PXT1: variants seen among roughly 807,000 people sequenced by gnomAD.
PXT1 encodes the protein peroxisomal testis enriched protein 1, also known as peroxisomal testis-specific protein 1.
A neutral mutation model predicts 11.0 loss-of-function variants in PXT1; 11 were observed. That is an observed-to-expected ratio of 1.00 (90% CI 0.63 to 1.66). The LOEUF (loss-of-function observed/expected upper bound fraction) is 1.66, where lower values mean the gene tolerates loss of function less well. Ranked by LOEUF, PXT1 falls within the 40% of genes most tolerant of loss-of-function variation. The pLI, the probability that PXT1 is intolerant of heterozygous loss-of-function variation, is 0.00. For synonymous variants in PXT1, 43 were observed against 51.4 expected (o/e 0.84, Z 0.70); for missense variants, 141 against 155.5 (o/e 0.91, Z 0.49).
chr6:36,392,037 TA>T (rs1774076527), intron 4 of PXT1, 163 bp from the exon 5 acceptor site: 3 of 584,672 alleles, frequency 5.1e-6, no homozygotes, highest in African/African-American at 1.9e-5. Context: ...TGAAGGACAG[TA>T]CCTTCCATAT....
At chr6:36,393,063 C>T (rs1774092473) in intron 4 of PXT1, 1 of 152,400 alleles carries the variant, frequency 6.6e-6, no homozygotes, top group Non-Finnish European at 1.5e-5. Flanking sequence ...CCTCCACCTC[C>T]CAGGTTCAAG....
chr6:36,394,138 C>T (rs963290298), intron 4 of PXT1, among the ~76,000 whole-genome samples: 6 of 152,200 alleles, frequency 3.9e-5, no homozygotes, highest in African/African-American at 1.4e-4. Context: ...GAATGAGTTT[C>T]CTTTCAGCAT....
intron 4 of PXT1, 118 bp from the exon 5 acceptor site, chr6:36,391,992 C>G (rs1255749330): frequency 2.6e-5 from 18 of 688,298 alleles, no homozygotes; most frequent in Non-Finnish European, 4.2e-5. Flanking sequence ...ATGCTGCAAA[C>G]AAGCTTCTTG....
At chr6:36,442,189 C>G (rs1013539913) in intron 1 of PXT1, among the ~76,000 whole-genome samples, 3 of 152,096 alleles carry the variant, frequency 2.0e-5, no homozygotes, top group Non-Finnish European at 4.4e-5. Flanking sequence ...CCACCACGCC[C>G]GGCTAATTTT....
At chr6:36,439,203 G>A (rs1483495630) in intron 1 of PXT1, among the ~76,000 whole-genome samples, 1 of 150,454 alleles carries the variant, frequency 6.6e-6, no homozygotes, top group Admixed American at 6.6e-5. Context: ...TCACCATGTT[G>A]GACAGGCTGG....
chr6:36,423,523 T>C (rs907064388), intron 3 of PXT1, among the ~76,000 whole-genome samples: 2 of 152,220 alleles, frequency 1.3e-5, no homozygotes, highest in African/African-American at 4.8e-5. Flanking sequence ...CGCCTCGGGC[T>C]CCTGGCGGGA....
At chr6:36,430,335 T>C (rs1774675495) in intron 2 of PXT1, among the ~76,000 whole-genome samples, 1 of 152,218 alleles carries the variant, frequency 6.6e-6, no homozygotes, top group Non-Finnish European at 1.5e-5. Flanking sequence ...CACATCCTAA[T>C]TCCCAGAACC....
chr6:36,415,063 C>T (rs1026291400), intron 3 of PXT1, among the ~76,000 whole-genome samples: 8 of 152,228 alleles, frequency 5.3e-5, no homozygotes, highest in South Asian at 2.1e-4. Flanking sequence ...ATAATAATTT[C>T]GAAATAATTT....
Position 36,390,697 on chromosome 6 carries a change from G to A in PXT1, c.*1073C>T, listed in dbSNP as rs1392368386. 6.6e-6 allele frequency: 1 copy of A among 152,122 alleles called. No individual in the cohort carries two copies. Among genetic ancestry groups the A allele is most frequent in the Non-Finnish European group, 1.5e-5 (1 of 68,046 alleles). 9.4% of individuals were successfully genotyped at this position (152,122 alleles called of 1,614,324 possible). A position where few individuals can be genotyped will look rare whatever the true frequency, so the allele number is the denominator to read the frequency against. ...AATATTTATAATTCTTTTAAAGGAG[G>A]GGAGAGAGGGACTATGAGGTAGACA... On this transcript the variant is annotated 3_prime_UTR_variant, in exon 5 of 5. Transcript: ENST00000454782.
At chr6:36,429,102 AC>A (rs1235934651) in intron 2 of PXT1, among the ~76,000 whole-genome samples, 2 of 150,130 alleles carry the variant, frequency 1.3e-5, no homozygotes, top group Non-Finnish European at 3.0e-5. Context: ...TCTGGTCTCT[AC>A]AAAAAAATAC....
rs374024241 is a variant in PXT1, at chr6:36,418,764, G to T, written c.169+7150C>A. ...AAGGGAAGAGTGCCTGAGGGCACTGGAGAGTACCGACTCACTTCCACCGTT... is the reference window on the plus strand; with the variant it reads ...AAGGGAAGAGTGCCTGAGGGCACTGTAGAGTACCGACTCACTTCCACCGTT... On this transcript the variant is annotated intron_variant, in intron 3 of 4. Transcript: ENST00000454782. Among the ~76,000 whole-genome samples the T allele has an allele frequency of 3.6e-4, 55 of 152,310 alleles. No homozygotes were observed. The East Asian group carries it at 5.4e-3, about 15-fold the overall frequency.
intron 3 of PXT1, among the ~76,000 whole-genome samples, chr6:36,413,385 C>G (rs1157707033): frequency 2.0e-5 from 3 of 151,576 alleles, no homozygotes; most frequent in Non-Finnish European, 4.4e-5. Context: ...CCACTGCACT[C>G]CAGCCTAGGT....
At chr6:36,402,952 T>A (rs1582250532) in intron 3 of PXT1, among the ~76,000 whole-genome samples, 1 of 9,876 alleles carries the variant, frequency 1.0e-4, no homozygotes. Context: ...TCTTTCTTTC[T>A]TTTTTTTTTT....
intron 3 of PXT1, among the ~76,000 whole-genome samples, chr6:36,414,825 C>A (rs1774426344): frequency 1.3e-5 from 2 of 152,192 alleles, no homozygotes; most frequent in Admixed American, 1.3e-4. Context: ...CTCACCAGAG[C>A]TCAAGGCTTC....
chr6:36,437,312 A>C lies in PXT1; in HGVS notation c.-10+1455T>G, dbSNP rs555749118. Among the ~76,000 whole-genome samples, 12 of 151,446 alleles carry C rather than the reference A, an allele frequency of 7.9e-5. No homozygotes were observed. In the South Asian group the frequency reaches 8.4e-4, roughly 11 times the overall value. On this transcript the variant is annotated intron_variant, in intron 2 of 4. Coordinates refer to ENST00000454782, the MANE Select transcript of PXT1 (RefSeq NM_152990.4). ...AAAACAAACAAACAAAACCAAAAAA[A>C]ACCCAAATTTAATAGGTAGAGTCAG...
At chr6:36,424,508 C>T (rs1041431191) in intron 3 of PXT1, among the ~76,000 whole-genome samples, 13 of 151,784 alleles carry the variant, frequency 8.6e-5, no homozygotes, top group Non-Finnish European at 1.5e-4. Context: ...GGCGTGGTGG[C>T]GGGCGCCTGT....
intron 2 of PXT1, 27 bp from the exon 3 acceptor site, chr6:36,426,118 T>C: frequency 7.6e-7 from 1 of 1,316,302 alleles, no homozygotes; most frequent in Non-Finnish European, 1.0e-6. Context: ...TTTCAGAGGC[T>C]TTCCCCCATT....
intron 3 of PXT1, among the ~76,000 whole-genome samples, chr6:36,418,971 A>G (rs1774488559): frequency 6.6e-6 from 1 of 152,242 alleles, no homozygotes; most frequent in Non-Finnish European, 1.5e-5. Context: ...GTAAGTCCCT[A>G]AGTCGGTGGC....
rs1390166133 is a variant in PXT1 at position 36,391,514 on chromosome 6, C to T, written c.*256G>A. 1.1e-5 allele frequency: 5 copies of T among 460,090 alleles called. No individual in the cohort carries two copies. In the East Asian group the frequency reaches 2.1e-4, roughly 20 times the overall value. 28.5% of individuals were successfully genotyped at this position (460,090 alleles called of 1,614,324 possible). On this transcript the variant is annotated 3_prime_UTR_variant, in exon 5 of 5. Coordinates refer to ENST00000454782, the MANE Select transcript of PXT1 (RefSeq NM_152990.4). Reference sequence around the variant, plus strand: ...CACAGCGCTGGTGTTTTCTGGGCAGCAAGGCTTCCTGGGGTCCTAATTACT... The same window carrying T: ...CACAGCGCTGGTGTTTTCTGGGCAGTAAGGCTTCCTGGGGTCCTAATTACT...
Sources: allele counts gnomAD v4.1 joint callset (sites outside exome capture counted in the v4.1 genomes callset), GRCh38; gene constraint gnomAD v4.1.1; transcripts MANE v1.5; gene names NCBI Gene and HGNC (gene_info 2026-07-23, HGNC 2026-07-21).